The following POLR3B variants were observed in gnomAD, a reference collection of about 807,000 sequenced individuals.
POLR3B encodes DNA-directed RNA polymerase III subunit RPC2.
A neutral mutation model predicts 147.4 loss-of-function variants in POLR3B; 96 were observed. The ratio of observed to expected loss-of-function variants is 0.65; its 90% CI spans 0.55 to 0.77. The LOEUF is 0.77. Ranked by LOEUF, POLR3B falls within the 30% of genes least tolerant of loss-of-function variation. POLR3B has a pLI of 0.00. For missense variants in POLR3B, 1,036 were observed against 1,413.5 expected (o/e 0.73, Z 4.28); for synonymous variants, 461 against 485.9 (o/e 0.95, Z 0.67).
chr12:106,437,026 T>C (rs772346724), intron 16 of POLR3B, 31 bp from the exon 17 acceptor site: 1 of 1,558,398 alleles, frequency 6.4e-7, no homozygotes. Flanking sequence ...CCTGGAACTA[T>C]TATTAATTTG....
At chr12:106,479,796 C>CTTCTTTTCTTTTCTTTCCTTTTCTT (rs2038239845) in intron 23 of POLR3B, among the ~76,000 whole-genome samples, 1 of 133,916 alleles carries the variant, frequency 7.5e-6, no homozygotes. Flanking sequence ...TCTTTCCTTC[C>CTTCTTTTCTTTTCTTTCCTTTTCTT]TTCTTTTCTT....
At chr12:106,505,249 C>G (rs2038667669) in intron 27 of POLR3B, among the ~76,000 whole-genome samples, 1 of 152,042 alleles carries the variant, frequency 6.6e-6, no homozygotes, top group Non-Finnish European at 1.5e-5. Flanking sequence ...GCAAGAGAAT[C>G]CATAGTTCCC....
chr12:106,467,365 G>A (rs2038020701), intron 23 of POLR3B, among the ~76,000 whole-genome samples: 1 of 152,080 alleles, frequency 6.6e-6, no homozygotes, highest in Non-Finnish European at 1.5e-5. Flanking sequence ...GAGACGATGG[G>A]GTTTTCTAAA....
intron 25 of POLR3B, chr12:106,500,251 G>C: frequency 4.5e-6 from 2 of 442,066 alleles, no homozygotes; most frequent in South Asian, 1.6e-5. Flanking sequence ...GGTTGTTCTT[G>C]CTCCAGATTA....
At chr12:106,496,663 G>C in intron 24 of POLR3B, 89 bp from the exon 25 acceptor site, 1 of 1,087,702 alleles carries the variant, frequency 9.2e-7, no homozygotes, top group East Asian at 2.4e-5. Context: ...TATTAATAGT[G>C]GTCGTGGGGA....
intron 9 of POLR3B, among the ~76,000 whole-genome samples, chr12:106,384,489 G>A (rs948020546): frequency 6.6e-6 from 1 of 152,288 alleles, no homozygotes; most frequent in Non-Finnish European, 1.5e-5. Context: ...CTGACACAGA[G>A]TGGTAAAAAC....
intron 4 of POLR3B, among the ~76,000 whole-genome samples, chr12:106,367,903 C>G (rs183662370): frequency 5.1e-4 from 77 of 152,244 alleles, no homozygotes; most frequent in African/African-American, 1.8e-3. Context: ...TTATTGTGGG[C>G]TTATCTAATG....
intron 23 of POLR3B, among the ~76,000 whole-genome samples, chr12:106,490,444 C>T (rs1418533027): frequency 1.3e-5 from 2 of 152,200 alleles, no homozygotes; most frequent in African/African-American, 2.4e-5. Context: ...CGCCTCCTCT[C>T]ATTTAGAGTG....
rs267608686 is a variant in POLR3B, at chr12:106,437,679, A to C, written c.1857-2A>C. On this transcript the variant is annotated splice_acceptor_variant, in intron 17 of 27. Coordinates refer to ENST00000228347, the MANE Select transcript of POLR3B (RefSeq NM_018082.6). LOFTEE classifies it high-confidence loss of function. ...ATGTCTCTTTCACCAATATTTTCCC[A>C]GGAATTTTGAAGATTTCTTACATGA... 7.1e-6 allele frequency: 11 copies of C among 1,547,958 alleles called. No homozygotes were observed. In the East Asian group the frequency reaches 2.5e-4, roughly 35 times the overall value.
chr12:106,434,047 T>C (rs1320377191), intron 16 of POLR3B, among the ~76,000 whole-genome samples, 175 bp downstream of exon 16: 3 of 152,174 alleles, frequency 2.0e-5, no homozygotes, highest in Non-Finnish European at 4.4e-5. Flanking sequence ...AGGATTCAGA[T>C]TAATGGGAGA....
At chr12:106,468,151 A>G (rs1384463716) in intron 23 of POLR3B, among the ~76,000 whole-genome samples, 1 of 152,130 alleles carries the variant, frequency 6.6e-6, no homozygotes, top group African/African-American at 2.4e-5. Flanking sequence ...GTCTATTCAG[A>G]GATTCAACTT....
intron 23 of POLR3B, among the ~76,000 whole-genome samples, chr12:106,470,751 C>G (rs753165121): frequency 6.6e-6 from 1 of 152,058 alleles, no homozygotes; most frequent in African/African-American, 2.4e-5. Context: ...TGGAAGTCCA[C>G]TCCAGACCCT....
intron 1 of POLR3B, among the ~76,000 whole-genome samples, chr12:106,363,128 C>G (rs966007482): frequency 3.3e-5 from 5 of 152,204 alleles, no homozygotes; most frequent in Non-Finnish European, 7.3e-5. Context: ...TTGTGGAACT[C>G]TTCTCCATCT....
rs910986728 is a variant in POLR3B, at chr12:106,378,670, C to T, written c.614+286C>T. On this transcript the variant is annotated intron_variant, in intron 8 of 27. Transcript: ENST00000228347. ...GAGATTTAAAAAAAAAAAAATAAAA[C>T]CACTCTTCAGTTTTTCACACTCCTT... Among the ~76,000 whole-genome samples the T allele has an allele frequency of 3.3e-5, 5 of 152,028 alleles. No homozygotes were observed. In the South Asian group the frequency reaches 1.0e-3, roughly 32 times the overall value.
At chr12:106,388,886 A>G (rs576424797) in intron 9 of POLR3B, among the ~76,000 whole-genome samples, 6 of 152,172 alleles carry the variant, frequency 3.9e-5, no homozygotes, top group Non-Finnish European at 8.8e-5. Context: ...CGCTTTGTAG[A>G]TATCTAAAAA....
intron 6 of POLR3B, among the ~76,000 whole-genome samples, chr12:106,369,902 C>A (rs553248062): frequency 6.6e-6 from 1 of 151,782 alleles, no homozygotes; most frequent in Non-Finnish European, 1.5e-5. Flanking sequence ...AAAATGTTTC[C>A]CTTTCCTACT....
intron 17 of POLR3B, among the ~76,000 whole-genome samples, chr12:106,437,405 T>A (rs2037592041): frequency 6.6e-6 from 1 of 152,172 alleles, no homozygotes; most frequent in African/African-American, 2.4e-5. Context: ...ACACTGTGGG[T>A]CTCATTATGA....
intron 27 of POLR3B, among the ~76,000 whole-genome samples, chr12:106,505,621 AC>A (rs1368214350): frequency 1.3e-5 from 2 of 152,150 alleles, no homozygotes; most frequent in African/African-American, 2.4e-5. Flanking sequence ...GCAAGGTCCA[AC>A]AAGATCTAAG....
chr12:106,448,605 TTTTTTTTG>T (rs2037756774), intron 19 of POLR3B, among the ~76,000 whole-genome samples: 1 of 150,776 alleles, frequency 6.6e-6, no homozygotes, highest in Non-Finnish European at 1.5e-5. Context: ...CCCAGCTAAT[TTTTTTTTG>T]TTTTTTAGTA....
Sources: gnomAD v4.1 joint callset for allele counts (sites outside exome capture counted in the v4.1 genomes callset) on GRCh38, gnomAD v4.1.1 for gene constraint, MANE v1.5 for transcripts, NCBI Gene and HGNC (gene_info 2026-07-23, HGNC 2026-07-21) for gene names.